Variants in ABHD17B observed in about 807,000 individuals in gnomAD.
ABHD17B encodes alpha/beta hydrolase domain-containing protein 17B.
Under a neutral mutation model 26.2 loss-of-function variants are expected in ABHD17B, and 9 were observed. The ratio of observed to expected loss-of-function variants is 0.34; its 90% CI spans 0.21 to 0.60. ABHD17B has a LOEUF of 0.60. Ranked by LOEUF, ABHD17B falls within the 20% of genes least tolerant of loss-of-function variation. The pLI, the probability that ABHD17B is intolerant of heterozygous loss-of-function variation, is 0.80. For missense variants in ABHD17B, 224 were observed against 352.1 expected (o/e 0.64, Z 2.91); for synonymous variants, 127 against 122.3 (o/e 1.04, Z -0.25).
intron 1 of ABHD17B, among the ~76,000 whole-genome samples, chr9:71,884,058 A>C (rs2132162712): frequency 6.6e-6 from 1 of 152,354 alleles, no homozygotes; most frequent in Admixed American, 6.5e-5. Context: ...GGGTAACTCA[A>C]GAACAATGGG....
intron 2 of ABHD17B, among the ~76,000 whole-genome samples, chr9:71,874,185 T>A (rs1022669577): frequency 6.6e-6 from 1 of 152,038 alleles, no homozygotes; most frequent in Non-Finnish European, 1.5e-5. Context: ...TAATTTTTTT[T>A]TTTTTTTAAC....
chr9:71,862,774 C>A, downstream of ABHD17B, among the ~76,000 whole-genome samples: 1 of 152,078 alleles, frequency 6.6e-6, no homozygotes, highest in Non-Finnish European at 1.5e-5. Flanking sequence ...TCTACAATTT[C>A]TAAAATTCAT....
At chr9:71,883,814 G>A (rs575727052) in intron 1 of ABHD17B, among the ~76,000 whole-genome samples, 143 of 152,172 alleles carry the variant, frequency 9.4e-4, no homozygotes, top group African/African-American at 3.2e-3. Flanking sequence ...GCGCGTGCCT[G>A]TAATCCCAGC....
chr9:71,879,540 T>C (rs1462203414), intron 1 of ABHD17B, among the ~76,000 whole-genome samples: 2 of 152,156 alleles, frequency 1.3e-5, no homozygotes, highest in South Asian at 2.1e-4. Flanking sequence ...GGAGTTACAA[T>C]TATCCATTAC....
intron 1 of ABHD17B, among the ~76,000 whole-genome samples, chr9:71,897,756 G>C (rs1827001322): frequency 6.6e-6 from 1 of 152,124 alleles, no homozygotes; most frequent in African/African-American, 2.4e-5. Flanking sequence ...GTGGCCTTCA[G>C]TTTGTCTACC....
chr9:71,887,917 T>G (rs1371121294), intron 1 of ABHD17B, among the ~76,000 whole-genome samples: 1 of 152,228 alleles, frequency 6.6e-6, no homozygotes, highest in East Asian at 1.9e-4. Flanking sequence ...TTATTAAAAA[T>G]GAGCAGTGCA....
chr9:71,873,391 C>G (rs968461753), intron 2 of ABHD17B, among the ~76,000 whole-genome samples: 5 of 151,910 alleles, frequency 3.3e-5, no homozygotes, highest in African/African-American at 1.2e-4. Flanking sequence ...AACAATTTAT[C>G]ATAACATTAA....
intron 2 of ABHD17B, among the ~76,000 whole-genome samples, chr9:71,871,968 T>C (rs138418221): frequency 6.6e-6 from 1 of 152,340 alleles, no homozygotes; most frequent in East Asian, 1.9e-4. Flanking sequence ...ATTCCAATGT[T>C]CATTCATCCC....
At position 71,898,746 on chromosome 9, in the gene ABHD17B, C is replaced by CCAG. The variant is rs766358032; in HGVS notation, c.-4+11885_-4+11887dup. ...GGAGTGGTGGCTCCCACCTGCAATC[C>CCAG]CAGCACTTTGGGAGGCCGAGGTAGG... On this transcript the variant is annotated intron_variant, in intron 1 of 3. Coordinates refer to ENST00000333421, the MANE Select transcript of ABHD17B (RefSeq NM_001025780.3). Among the ~76,000 whole-genome samples the CCAG allele has an allele frequency of 2.0e-5, 3 of 152,244 alleles. No homozygotes were observed. The East Asian group carries it at 5.8e-4, about 29-fold the overall frequency.
At chr9:71,865,018 A>G (rs1379940880), downstream of ABHD17B, 1 of 288,984 alleles carries the variant, frequency 3.5e-6, no homozygotes, top group African/African-American at 2.3e-5. Context: ...CTTGAGAAAG[A>G]AAGACCTCTC....
chr9:71,874,680 G>C lies in ABHD17B; in HGVS notation c.401C>G (p.Ser134Cys). ...SYDYSGYGAS[S>C]GKPTEKNLYA... is the part of the protein sequence containing the mutation. ...GAGGTTCTTCTCTGTGGGTTTCCCG[G>C]AACTGGCACCATATCCAGAATAATC... is the stretch of plus-strand genomic sequence containing the variant. The change falls in exon 2 of 4, where the codon TCC becomes TGC. Residue 134 changes from serine (S) to cysteine (C), a missense_variant. By Grantham distance (112) the Ser-to-Cys change is moderately radical. Transcript: ENST00000333421. The C allele has an allele frequency of 1.2e-6, 2 of 1,613,402 alleles. No individual in the cohort carries two copies. Among genetic ancestry groups the C allele is most frequent in the Non-Finnish European group, 1.7e-6 (2 of 1,179,656 alleles).
intron 3 of ABHD17B, among the ~76,000 whole-genome samples, chr9:71,867,466 G>A (rs1825989415): frequency 2.0e-5 from 3 of 152,304 alleles, no homozygotes; most frequent in East Asian, 3.9e-4. Context: ...AAAACAAGGA[G>A]AATGTACTAA....
intron 1 of ABHD17B, among the ~76,000 whole-genome samples, chr9:71,878,096 A>AACT (rs1338492377): frequency 6.6e-6 from 1 of 152,158 alleles, no homozygotes; most frequent in Admixed American, 6.6e-5. Flanking sequence ...AGGTTTTAGT[A>AACT]TAGTGTGAGC....
chr9:71,898,261 G>GA (rs1271087946), intron 1 of ABHD17B, among the ~76,000 whole-genome samples: 2 of 152,032 alleles, frequency 1.3e-5, no homozygotes, highest in Non-Finnish European at 2.9e-5. Context: ...AAAACGGAGG[G>GA]AAAATCCTCC....
chr9:71,874,510 T>C, intron 2 of ABHD17B, 104 bp downstream of exon 2: 2 of 835,580 alleles, frequency 2.4e-6, no homozygotes, highest in East Asian at 2.7e-5. Context: ...ATAACCTCTA[T>C]ATAGCAGTTA....
intron 2 of ABHD17B, among the ~76,000 whole-genome samples, chr9:71,873,197 G>C (rs190696663): frequency 6.7e-4 from 101 of 151,442 alleles, no homozygotes; most frequent in African/African-American, 2.2e-3. Flanking sequence ...CCTATATTAA[G>C]GTATCTGTTT....
At chr9:71,878,744 C>T (rs1023805699) in intron 1 of ABHD17B, among the ~76,000 whole-genome samples, 3 of 151,874 alleles carry the variant, frequency 2.0e-5, no homozygotes, top group Admixed American at 2.0e-4. Context: ...CATAGGAAAA[C>T]ATTGTCTCTA....
chr9:71,898,388 T>G (rs915862674), intron 1 of ABHD17B, among the ~76,000 whole-genome samples: 8 of 151,708 alleles, frequency 5.3e-5, no homozygotes, highest in Non-Finnish European at 5.9e-5. Context: ...TCCAAGCACT[T>G]TGGGAGGCCG....
chr9:71,865,761 T>C lies in ABHD17B; in HGVS notation c.*1026A>G. On this transcript the variant is annotated 3_prime_UTR_variant, in exon 4 of 4. Transcript: ENST00000333421. Reference sequence around the variant, plus strand: ...CTGTAATACCAGCTACTCAGGAGGCTGAGGCAGGAGAATCACTTGATCCCG... The same window carrying C: ...CTGTAATACCAGCTACTCAGGAGGCCGAGGCAGGAGAATCACTTGATCCCG... 2 of 655,392 alleles carry C rather than the reference T, an allele frequency of 3.1e-6. No individual in the cohort carries two copies. The highest frequency in any genetic ancestry group is 3.8e-6 in the Non-Finnish European group (2 of 528,966). 40.6% of individuals were successfully genotyped at this position (655,392 alleles called of 1,614,324 possible).
Sources: allele counts gnomAD v4.1 joint callset (sites outside exome capture counted in the v4.1 genomes callset), GRCh38; gene constraint gnomAD v4.1.1; transcripts MANE v1.5; gene names NCBI Gene and HGNC (gene_info 2026-07-23, HGNC 2026-07-21).